NELL1: variants seen among roughly 807,000 people sequenced by gnomAD.
The protein encoded by NELL1 is protein kinase C-binding protein NELL1.
In NELL1, 76 loss-of-function variants were observed where a neutral mutation model predicts 107.4. The observed-to-expected ratio is 0.71, with a 90% CI of 0.59 to 0.86. The LOEUF is 0.86. Ranked by LOEUF, NELL1 falls within the 40% of genes least tolerant of loss-of-function variation. NELL1 has a pLI of 0.00. For synonymous variants in NELL1, 353 were observed against 341.2 expected, an observed-to-expected ratio of 1.03 and a Z score of -0.38; for missense variants, 1,024 against 1,005.5, an observed-to-expected ratio of 1.02 and a Z score of -0.25.
At chr11:21,156,063 G>T (rs183669853) in intron 13 of NELL1, among the ~76,000 whole-genome samples, 1 of 152,246 alleles carries the variant, frequency 6.6e-6, no homozygotes, top group African/African-American at 2.4e-5. Context: ...AGTTGGGACA[G>T]GGGGCAGGAT....
intron 14 of NELL1, among the ~76,000 whole-genome samples, chr11:21,297,972 C>T (rs368086591): frequency 1.6e-4 from 25 of 152,054 alleles, no homozygotes; most frequent in Non-Finnish European, 2.5e-4. Flanking sequence ...CTGCCATCAC[C>T]TGCCCATTGC....
chr11:20,805,759 C>T (rs1857369811), intron 3 of NELL1, among the ~76,000 whole-genome samples: 1 of 152,218 alleles, frequency 6.6e-6, no homozygotes, highest in African/African-American at 2.4e-5. Context: ...GCCTTGGCCT[C>T]CCAAAGTGCT....
chr11:21,199,523 T>G (rs1415726652), intron 13 of NELL1, among the ~76,000 whole-genome samples: 1 of 152,172 alleles, frequency 6.6e-6, no homozygotes, highest in African/African-American at 2.4e-5. Context: ...CTTTGGTAGT[T>G]GGCTTGTCAT....
intron 14 of NELL1, among the ~76,000 whole-genome samples, chr11:21,275,277 C>T (rs547083866): frequency 1.8e-3 from 269 of 152,186 alleles, no homozygotes; most frequent in African/African-American, 5.8e-3. Flanking sequence ...AACACCTCTA[C>T]GCAAATAAAC....
chr11:21,530,693 A>T (rs1855971784), intron 15 of NELL1, among the ~76,000 whole-genome samples: 1 of 152,148 alleles, frequency 6.6e-6, no homozygotes. Context: ...TAGAGGTAGA[A>T]GCAAAGTATT....
chr11:21,445,535 A>G (rs1329457366), intron 15 of NELL1, among the ~76,000 whole-genome samples: 1 of 152,028 alleles, frequency 6.6e-6, no homozygotes, highest in East Asian at 1.9e-4. Flanking sequence ...TGTTTTCTCC[A>G]TGTTGAGGCT....
intron 15 of NELL1, among the ~76,000 whole-genome samples, chr11:21,455,245 T>C (rs1234740623): frequency 6.6e-6 from 1 of 151,824 alleles, no homozygotes; most frequent in Non-Finnish European, 1.5e-5. Context: ...GAGAATATCA[T>C]AGTCATTTGA....
Position 20,919,257 on chromosome 11 carries a change from C to T in NELL1, c.682C>T (p.Pro228Ser). 6.3e-7 allele frequency: 1 copy of T among 1,588,912 alleles called. No individual in the cohort carries two copies. Among genetic ancestry groups the T allele is most frequent in the Non-Finnish European group, 8.6e-7 (1 of 1,164,020 alleles). Residue 228 changes from proline (P) to serine (S), a missense_variant, in exon 7 of 20, where the codon CCA becomes TCA. Transcript: ENST00000357134. ...TTTATATTTTCTTTATTGAGCTTGC[C>T]CAACCTGCAGTGATTTCTTAAGCCT... is the stretch of plus-strand genomic sequence containing the variant. ...TQCPNLNHTCPTCSDFLSLVQ... is the reference protein window; with the variant it reads ...TQCPNLNHTCSTCSDFLSLVQ...
intron 13 of NELL1, among the ~76,000 whole-genome samples, chr11:21,139,766 T>C (rs747849092): frequency 1.3e-5 from 2 of 152,138 alleles, no homozygotes; most frequent in Non-Finnish European, 2.9e-5. Context: ...CAGTTGCAAG[T>C]AACCAAAAAT....
chr11:21,566,576 G>C (rs994480780), intron 17 of NELL1, among the ~76,000 whole-genome samples: 1 of 151,850 alleles, frequency 6.6e-6, no homozygotes, highest in Admixed American at 6.6e-5. Context: ...CATCAAAACA[G>C]CTTCTGTGGC....
chr11:21,033,345 A>G (rs894845961), intron 12 of NELL1, among the ~76,000 whole-genome samples: 1 of 152,092 alleles, frequency 6.6e-6, no homozygotes, highest in African/African-American at 2.4e-5. Flanking sequence ...AGTTTGATAT[A>G]TAGTACTCAA....
At chr11:20,755,723 T>C (rs2133950912) in intron 2 of NELL1, among the ~76,000 whole-genome samples, 1 of 151,460 alleles carries the variant, frequency 6.6e-6, no homozygotes, top group Admixed American at 6.6e-5. Flanking sequence ...GCCTGGCTAA[T>C]TTTTCTATTT....
intron 2 of NELL1, among the ~76,000 whole-genome samples, chr11:20,760,761 T>G (rs1020235239): frequency 6.6e-6 from 1 of 152,228 alleles, no homozygotes; most frequent in African/African-American, 2.4e-5. Context: ...TCAGCTAGTT[T>G]GGAAATCTTT....
chr11:21,280,453 T>G (rs1848967805), intron 14 of NELL1, among the ~76,000 whole-genome samples: 1 of 152,212 alleles, frequency 6.6e-6, no homozygotes, highest in South Asian at 2.1e-4. Context: ...CAGTGTTGAA[T>G]CACTGATGCC....
At chr11:21,025,617 G>A (rs2134308851) in intron 12 of NELL1, among the ~76,000 whole-genome samples, 1 of 152,072 alleles carries the variant, frequency 6.6e-6, no homozygotes, top group Admixed American at 6.6e-5. Flanking sequence ...AAATGTCCCA[G>A]GACTCTCTTC....
chr11:21,476,806 C>G (rs1242839477), intron 15 of NELL1, among the ~76,000 whole-genome samples: 1 of 152,068 alleles, frequency 6.6e-6, no homozygotes, highest in Non-Finnish European at 1.5e-5. Context: ...AGGGAGAGCA[C>G]AATGATTGTG....
intron 3 of NELL1, among the ~76,000 whole-genome samples, chr11:20,843,966 A>G (rs11025784): frequency 0.03 from 4,545 of 152,270 alleles, 85 homozygotes; most frequent in Middle Eastern, 0.054. Context: ...CTGGGCTTAC[A>G]GAATTCAGCT....
chr11:20,886,577 G>A (rs1241391014), intron 5 of NELL1, among the ~76,000 whole-genome samples: 3 of 152,132 alleles, frequency 2.0e-5, no homozygotes, highest in South Asian at 4.1e-4. Context: ...TAGAGCCTTA[G>A]GTTCCTTCTT....
chr11:20,730,992 G>T (rs1457957893), intron 2 of NELL1, among the ~76,000 whole-genome samples: 1 of 152,102 alleles, frequency 6.6e-6, no homozygotes, highest in Non-Finnish European at 1.5e-5. Flanking sequence ...GATTTTCTTT[G>T]GTCATTGTTC....
Sources: allele counts gnomAD v4.1 joint callset (sites outside exome capture counted in the v4.1 genomes callset), GRCh38; gene constraint gnomAD v4.1.1; transcripts MANE v1.5; gene names NCBI Gene and HGNC (gene_info 2026-07-23, HGNC 2026-07-21).